Variants in GAREM2 observed in about 807,000 individuals in gnomAD.
The protein encoded by GAREM2 is GRB2 associated regulator of MAPK1 subtype 2.
A neutral mutation model predicts 55.6 loss-of-function variants in GAREM2; 30 were observed. That is an observed-to-expected ratio of 0.54 (90% CI 0.40 to 0.73). The LOEUF (loss-of-function observed/expected upper bound fraction) is 0.73, where lower values mean the gene tolerates loss of function less well. Among genes scored for constraint, GAREM2 ranks in the 30% least tolerant of loss-of-function variants. The probability of loss-of-function intolerance (pLI) is 0.00; values close to 1 mark genes in which losing one functional copy is unlikely to be tolerated. For synonymous variants in GAREM2, 550 were observed against 569.1 expected, an observed-to-expected ratio of 0.97 and a Z score of 0.48; for missense variants, 1,075 against 1,257.7, an observed-to-expected ratio of 0.85 and a Z score of 2.20.
intron 5 of GAREM2, 70 bp downstream of exon 5, chr2:26,186,428 A>T (rs1558309608): frequency 7.1e-7 from 1 of 1,407,926 alleles, no homozygotes; most frequent in Non-Finnish European, 9.8e-7. Flanking sequence ...AGGAGGGGGA[A>T]CTACAGTGCT....
At chr2:26,197,479 T>C in the GAREM2 span, among the ~76,000 whole-genome samples, 3 of 152,302 alleles carry the variant, frequency 2.0e-5, no homozygotes, top group African/African-American at 7.2e-5. Flanking sequence ...TAATGCCCAT[T>C]TGGGATCCTT....
At chr2:26,201,296 TTTC>T in the GAREM2 span, 3 of 1,611,006 alleles carry the variant, frequency 1.9e-6, no homozygotes, top group Middle Eastern at 1.7e-4. Flanking sequence ...ATGTTAGAGC[TTTC>T]TTCTTCACTT....
In GAREM2 at chr2:26,187,295, T is replaced by C. The variant is rs749003017; in HGVS notation, c.1663T>C (p.Cys555Arg). 5 of 1,491,790 alleles carry C rather than the reference T, an allele frequency of 3.4e-6. No homozygotes were observed. The South Asian group carries it at 4.0e-5, about 12-fold the overall frequency. 92.4% of individuals were successfully genotyped at this position (1,491,790 alleles called of 1,614,324 possible). The stretch of plus-strand genomic sequence containing the variant: ...CACCTACTCCCTCTATTGCTACCCA[T>C]GCACCTGGGGAGACTGCAAGGTGGG... ...PDTYSLYCYP[C>R]TWGDCKVGES... is the part of the protein sequence containing the mutation. The change falls in exon 6 of 6, where the codon TGC (cysteine) becomes CGC (arginine). Residue 555 changes from cysteine to arginine, a missense_variant. Cys to Arg is a radical substitution (Grantham distance 180). This residue lies in a region of GAREM2 where 515 missense variants were observed against 501.5 expected (regional missense o/e 1.03). Coordinates refer to ENST00000401533, the MANE Select transcript of GAREM2 (RefSeq NM_001168241.2).
downstream of GAREM2, among the ~76,000 whole-genome samples, chr2:26,193,058 A>T (rs1669557656): frequency 6.6e-6 from 1 of 152,082 alleles, no homozygotes; most frequent in Non-Finnish European, 1.5e-5. Flanking sequence ...TGTGGGCCTC[A>T]ACTGTATACT....
At position 26,188,374 on chromosome 2, in the gene GAREM2, C is replaced by A. The variant is rs1304888048; in HGVS notation, c.*117C>A. Reference sequence around the variant, plus strand: ...CTATGTCGAGACTGAGGCTGCTCAGCAGCCACTGGGTGGATCCAGGGGAGA... The same window carrying A: ...CTATGTCGAGACTGAGGCTGCTCAGAAGCCACTGGGTGGATCCAGGGGAGA... On this transcript the variant is annotated 3_prime_UTR_variant, in exon 6 of 6. Transcript: ENST00000401533. 7.7e-6 allele frequency: 6 copies of A among 782,496 alleles called. No individual in the cohort carries two copies. The highest frequency in any genetic ancestry group is 1.1e-5 in the Non-Finnish European group (6 of 523,024). The allele number at this position is 782,496 out of a possible 1,614,324, so 48.5% of individuals were successfully genotyped here. A position where few individuals can be genotyped will look rare whatever the true frequency, so the allele number is the denominator to read the frequency against.
At chr2:26,176,303 T>G in intron 1 of GAREM2, 41 bp from the exon 2 acceptor site, 1 of 1,460,524 alleles carries the variant, frequency 6.8e-7, no homozygotes, top group East Asian at 2.7e-5. Context: ...TAATGTCCTG[T>G]CTTCCTTCCC....
rs1574594727 is a variant in GAREM2 at position 26,186,334 on chromosome 2, A to G, written c.1574A>G (p.Tyr525Cys). The change falls in exon 5 of 6, where the codon TAC (tyrosine) becomes TGC (cysteine). Residue 525 changes from tyrosine (Y) to cysteine (C), a missense_variant. Transcript: ENST00000401533. ...CATTCCCCCAGCTCCAGCCTCTCCTACTACTCCTCTGGCCTCCAGGATGGG... is the reference window on the plus strand; with the variant it reads ...CATTCCCCCAGCTCCAGCCTCTCCTGCTACTCCTCTGGCCTCCAGGATGGG... ...PVHSPSSSLSYYSSGLQDGAG... is the reference protein window; with the variant it reads ...PVHSPSSSLSCYSSGLQDGAG... 3.2e-6 allele frequency: 5 copies of G among 1,551,588 alleles called. No individual in the cohort carries two copies. Among genetic ancestry groups the G allele is most frequent in the Non-Finnish European group, 4.4e-6 (5 of 1,146,944 alleles).
Position 26,188,110 on chromosome 2 carries a change from T to C in GAREM2, c.2478T>C (p.Asp826=). ...RSLRFIGLSE[D]VVSFFARERI... ...TGCGTTTCATCGGGCTCTCAGAGGA[T>C]GTGGTGAGCTTCTTTGCCCGAGAAC... Residue 826 remains aspartate, a synonymous_variant, in exon 6 of 6, where the codon GAT becomes GAC. Coordinates refer to ENST00000401533, the MANE Select transcript of GAREM2 (RefSeq NM_001168241.2). The C allele has an allele frequency of 6.4e-7, 1 of 1,551,290 alleles. No homozygotes were observed. Among genetic ancestry groups the C allele is most frequent in the Non-Finnish European group, 8.7e-7 (1 of 1,146,730 alleles).
At position 26,187,340 on chromosome 2, in the gene GAREM2, G is replaced by GC; in HGVS notation, c.1713dup (p.Gly572ArgfsTer31). Reference sequence around the variant, plus strand: ...GGTGGGCGAGTCCTCTAGCCGCCCAGCCCCCGGTCCCCTACCCTCAACCAC... The same window carrying GC: ...GGTGGGCGAGTCCTCTAGCCGCCCAGCCCCCCGGTCCCCTACCCTCAACCAC... On this transcript the variant is annotated frameshift_variant, in exon 6 of 6. Coordinates refer to ENST00000401533, the MANE Select transcript of GAREM2 (RefSeq NM_001168241.2). LOFTEE classifies it high-confidence loss of function. 2 of 1,540,480 alleles carry GC rather than the reference G, an allele frequency of 1.3e-6. No individual in the cohort carries two copies. The highest frequency in any genetic ancestry group is 1.8e-6 in the Non-Finnish European group (2 of 1,140,680).
the GAREM2 span, among the ~76,000 whole-genome samples, chr2:26,197,235 T>C: frequency 6.6e-6 from 1 of 152,188 alleles, no homozygotes; most frequent in East Asian, 1.9e-4. Context: ...CAGAAAGTGC[T>C]TCTATACCCA....
downstream of GAREM2, chr2:26,191,508 C>G (rs374503588): frequency 6.2e-6 from 10 of 1,614,070 alleles, no homozygotes; most frequent in African/African-American, 2.7e-5. Flanking sequence ...GGAAGCCAAG[C>G]CCAAAGACGG....
downstream of GAREM2, chr2:26,194,542 C>A (rs766223900): frequency 4.9e-6 from 7 of 1,442,228 alleles, no homozygotes; most frequent in Non-Finnish European, 6.8e-6. Context: ...TGGAAGATGC[C>A]GCAAACACTC....
the GAREM2 span, chr2:26,194,687 G>C: frequency 8.7e-7 from 1 of 1,155,334 alleles, no homozygotes; most frequent in Non-Finnish European, 1.3e-6. Flanking sequence ...CTGGGACTGA[G>C]TCTGAAACAC....
downstream of GAREM2, chr2:26,191,204 C>G (rs367911534): frequency 6.3e-7 from 1 of 1,594,402 alleles, no homozygotes; most frequent in Non-Finnish European, 8.6e-7. Flanking sequence ...CCAGCACTGC[C>G]GGCAGCTGGG....
the GAREM2 span, chr2:26,195,209 A>T: frequency 6.2e-7 from 1 of 1,613,228 alleles, no homozygotes; most frequent in Non-Finnish European, 8.5e-7. Flanking sequence ...TGTCCACGGG[A>T]GAGAAGTAGT....
chr2:26,187,696 C>G lies in GAREM2; in HGVS notation c.2064C>G (p.Ser688=). The G allele has an allele frequency of 1.3e-6, 2 of 1,490,414 alleles. No homozygotes were observed. Among genetic ancestry groups the G allele is most frequent in the South Asian group, 2.7e-5 (2 of 73,960 alleles). The allele number at this position is 1,490,414 out of a possible 1,614,324, so 92.3% of individuals were successfully genotyped here. The change falls in exon 6 of 6, where the codon TCC becomes TCG. Residue 688 remains serine (S), a synonymous_variant. Coordinates refer to ENST00000401533, the MANE Select transcript of GAREM2 (RefSeq NM_001168241.2). The part of the protein sequence containing the change: ...APPSSCAPSS[S]SSSEWQEPVL... ...CCTCCTCCTGCGCCCCCTCCTCCTC[C>G]TCTTCTTCTGAATGGCAGGAACCAG...
chr2:26,176,560 G>A, intron 2 of GAREM2, 76 bp downstream of exon 2: 10 of 1,299,168 alleles, frequency 7.7e-6, no homozygotes, highest in Non-Finnish European at 1.0e-5. Flanking sequence ...AGGGGTAGGG[G>A]GAACGCTGGG....
At chr2:26,176,800 G>A (rs1246622397) in intron 2 of GAREM2, among the ~76,000 whole-genome samples, 1 of 152,100 alleles carries the variant, frequency 6.6e-6, no homozygotes, top group African/African-American at 2.4e-5. Flanking sequence ...CGGCTGCCAC[G>A]CTTAGCCATC....
the GAREM2 span, chr2:26,195,115 C>T: frequency 6.2e-7 from 1 of 1,613,618 alleles, no homozygotes; most frequent in South Asian, 1.1e-5. Flanking sequence ...ATGACCTTCC[C>T]CTGCTTGAGA....
Sources: gnomAD v4.1 joint callset for allele counts (sites outside exome capture counted in the v4.1 genomes callset) on GRCh38, gnomAD v4.1.1 for gene constraint, gnomAD v4.1.1 regional missense constraint, MANE v1.5 for transcripts, NCBI Gene and HGNC (gene_info 2026-07-23, HGNC 2026-07-21) for gene names.